Variants in ADGRD1 observed in about 807,000 individuals in gnomAD.
ADGRD1 encodes G-protein coupled receptor 133.
ADGRD1 carries 77 observed loss-of-function variants against 113.4 expected under a neutral mutation model. That is an observed-to-expected ratio of 0.68 (90% CI 0.57 to 0.82). The LOEUF is 0.82. Ranked by LOEUF, ADGRD1 falls within the 40% of genes least tolerant of loss-of-function variation. The pLI is 0.00. For missense variants in ADGRD1, 1,036 were observed against 1,139.1 expected, an observed-to-expected ratio of 0.91 and a Z score of 1.30; for synonymous variants, 474 against 475.0, an observed-to-expected ratio of 1.00 and a Z score of 0.03.
Position 130,968,966 on chromosome 12 carries a change from G to A in ADGRD1, c.187+2420G>A, listed in dbSNP as rs1250471656. 3 of 1,500,078 alleles carry A rather than the reference G, an allele frequency of 2.0e-6. No homozygotes were observed. The South Asian group carries it at 3.6e-5, about 18-fold the overall frequency. 92.9% of individuals were successfully genotyped at this position (1,500,078 alleles called of 1,614,324 possible). On this transcript the variant is annotated intron_variant, in intron 3 of 24. Coordinates refer to ENST00000261654, the MANE Select transcript of ADGRD1 (RefSeq NM_198827.5). ...ACTTGCTGTGCTTTTTCTTTTTGTT[G>A]TTTCACCCAGCGTCCCGAACCCACA...
chr12:131,133,480 G>A (rs749729523), intron 21 of ADGRD1, among the ~76,000 whole-genome samples: 1 of 152,206 alleles, frequency 6.6e-6, no homozygotes, highest in East Asian at 1.9e-4. Context: ...GTGAAGGCTC[G>A]AGGTAGCGTG....
chr12:131,135,253 C>T (rs1434932567), intron 21 of ADGRD1, among the ~76,000 whole-genome samples: 1 of 152,154 alleles, frequency 6.6e-6, no homozygotes, highest in Non-Finnish European at 1.5e-5. Flanking sequence ...ATCACCTTAG[C>T]CATTACCAGG....
intron 15 of ADGRD1, among the ~76,000 whole-genome samples, chr12:131,091,639 T>A (rs1056907341): frequency 2.6e-4 from 39 of 152,144 alleles, no homozygotes; most frequent in Non-Finnish European, 4.7e-4. Context: ...ATATGCAACA[T>A]TTGTATCTTG....
rs528796359 is a variant in ADGRD1, at chr12:130,971,351, TAA to T, written c.188-106_188-105del. 4.1e-5 allele frequency: 26 copies of T among 626,674 alleles called. No homozygotes were observed. The highest frequency in any genetic ancestry group is 3.8e-4 in the African/African-American group (20 of 53,328). 38.8% of individuals were successfully genotyped at this position (626,674 alleles called of 1,614,324 possible). On this transcript the variant is annotated intron_variant, in intron 3 of 24. Transcript: ENST00000261654. This position sits in a 1 kb window ranked among gnomAD's most constrained non-coding sequence, Gnocchi z 4.2. Reference sequence around the variant, plus strand: ...TGTTATAAATATATACTTAGATAAATAATAATGCATACTTACACATAAGTTAT... The same window carrying T: ...TGTTATAAATATATACTTAGATAAATTAATGCATACTTACACATAAGTTAT...
At chr12:130,980,015 A>G (rs188305913) in intron 4 of ADGRD1, among the ~76,000 whole-genome samples, 52 of 152,242 alleles carry the variant, frequency 3.4e-4, no homozygotes, top group African/African-American at 1.2e-3. Context: ...CCCCTTCAGC[A>G]GAGAGCCCGG....
intron 23 of ADGRD1, among the ~76,000 whole-genome samples, chr12:131,137,283 C>T (rs1162447521): frequency 6.6e-6 from 1 of 152,250 alleles, no homozygotes; most frequent in East Asian, 1.9e-4. Flanking sequence ...TGTAGGCGTG[C>T]TCCCCACAGT....
At chr12:131,031,628 G>C (rs933357226) in intron 13 of ADGRD1, among the ~76,000 whole-genome samples, 2 of 151,986 alleles carry the variant, frequency 1.3e-5, no homozygotes, top group Admixed American at 1.3e-4. Flanking sequence ...CCCTCCCCTT[G>C]AGGCTGCAGG....
rs554205359 is a variant in ADGRD1, at chr12:130,964,311, G to A, written c.104-2152G>A. Reference sequence around the variant, plus strand: ...TGGAAATTGTTCTGGTATAAAGAGTGAGGTTGGGATCTTAATTTTTTCCAT... The same window carrying A: ...TGGAAATTGTTCTGGTATAAAGAGTAAGGTTGGGATCTTAATTTTTTCCAT... On this transcript the variant is annotated intron_variant, in intron 2 of 24. Transcript: ENST00000261654. Among the ~76,000 whole-genome samples the A allele has an allele frequency of 3.9e-5, 6 of 152,256 alleles. No homozygotes were observed. In the East Asian group the frequency reaches 9.6e-4, roughly 24 times the overall value.
At chr12:131,090,892 C>T (rs1267646681) in intron 15 of ADGRD1, among the ~76,000 whole-genome samples, 2 of 152,208 alleles carry the variant, frequency 1.3e-5, no homozygotes, top group African/African-American at 4.8e-5. Context: ...AACCGTGTAC[C>T]AATTTATTGC....
rs528388184 is a variant in ADGRD1 at position 130,997,178 on chromosome 12, CG to C, written c.967-3199del. 1.1e-3 allele frequency among the ~76,000 whole-genome samples: 94 copies of C among 85,534 alleles called. 2 individuals carry two copies. Among genetic ancestry groups the C allele is most frequent in the African/African-American group, 1.8e-3 (35 of 19,256 alleles). The allele number at this position is 85,534 out of a possible 152,430, so 56.1% of individuals were successfully genotyped here. On this transcript the variant is annotated intron_variant, in intron 8 of 24. Coordinates refer to ENST00000261654, the MANE Select transcript of ADGRD1 (RefSeq NM_198827.5). ...CTCCCGGACGGGGCGGCTTGCCGGG[CG>C]GGGGGCTGACCCCCCCCCCCGGACG...
chr12:131,043,815 C>G (rs1352572069), intron 13 of ADGRD1, among the ~76,000 whole-genome samples: 1 of 152,228 alleles, frequency 6.6e-6, no homozygotes, highest in Non-Finnish European at 1.5e-5. Context: ...CCCTGGTTCC[C>G]TCGGGAGGAT....
intron 12 of ADGRD1, among the ~76,000 whole-genome samples, chr12:131,010,400 C>T (rs1233283767): frequency 1.3e-5 from 2 of 152,216 alleles, no homozygotes; most frequent in African/African-American, 4.8e-5. Context: ...GTTCACTCCC[C>T]AATGTGACAT....
intron 13 of ADGRD1, among the ~76,000 whole-genome samples, chr12:131,033,401 C>T (rs1324009895): frequency 6.6e-6 from 1 of 152,236 alleles, no homozygotes; most frequent in Non-Finnish European, 1.5e-5. Flanking sequence ...CCGTCAGAGC[C>T]CTGGAGGCAC....
At chr12:131,013,670 A>G (rs1161361550) in intron 12 of ADGRD1, among the ~76,000 whole-genome samples, 1 of 152,180 alleles carries the variant, frequency 6.6e-6, no homozygotes, top group Non-Finnish European at 1.5e-5. Flanking sequence ...CTAGAGGGGA[A>G]GGCAGGTGCT....
chr12:131,004,425 C>CCCCCGGGCCGCCTGCGGTGCTA, intron 11 of ADGRD1, 129 bp downstream of exon 11: 1 of 688,134 alleles, frequency 1.5e-6, no homozygotes, highest in Non-Finnish European at 2.5e-6. Flanking sequence ...CTGCGGTGCT[C>CCCCCGGGCCGCCTGCGGTGCTA]CCCCGGACTG....
At chr12:131,085,408 G>A (rs1886387898) in intron 15 of ADGRD1, among the ~76,000 whole-genome samples, 1 of 148,998 alleles carries the variant, frequency 6.7e-6, no homozygotes, top group South Asian at 2.1e-4. Flanking sequence ...GAGCTCCAAG[G>A]CCCTGGGGAG....
chr12:130,994,964 G>A (rs532287312), intron 8 of ADGRD1, among the ~76,000 whole-genome samples: 2 of 152,310 alleles, frequency 1.3e-5, no homozygotes, highest in South Asian at 4.2e-4. Context: ...GGGCAGGCCG[G>A]AGCCACTGTG....
intron 2 of ADGRD1, chr12:130,963,136 C>T (rs187937714): frequency 4.6e-5 from 7 of 152,076 alleles, no homozygotes; most frequent in South Asian, 2.1e-4. Context: ...CTGGCTAACA[C>T]AGTGAAACCC....
intron 11 of ADGRD1, 102 bp downstream of exon 11, chr12:131,004,398 G>GTGCTCCCCCGGGCCGCCTGCGA (rs1876829921): frequency 2.2e-6 from 2 of 891,442 alleles, no homozygotes; most frequent in African/African-American, 1.7e-5. Context: ...GGGAGCTGCG[G>GTGCTCCCCCGGGCCGCCTGCGA]TGCTCCCCCG....
Sources: gnomAD v4.1 joint callset for allele counts (sites outside exome capture counted in the v4.1 genomes callset) on GRCh38, gnomAD v4.1.1 for gene constraint, Gnocchi (gnomAD v3.1) non-coding constraint, MANE v1.5 for transcripts, NCBI Gene and HGNC (gene_info 2026-07-23, HGNC 2026-07-21) for gene names.